The following TEF variants were observed in gnomAD, a reference collection of about 807,000 sequenced individuals.
TEF encodes thyrotroph embryonic factor.
TEF carries 3 observed loss-of-function variants against 20.8 expected under a neutral mutation model. The ratio of observed to expected loss-of-function variants is 0.14; its 90% CI spans 0.07 to 0.37. TEF has a LOEUF of 0.37. TEF is among the 10% of genes least tolerant of loss of function. The probability of loss-of-function intolerance (pLI) is 1.00; values close to 1 mark genes in which losing one functional copy is unlikely to be tolerated. For missense variants in TEF, 296 were observed against 397.9 expected, an observed-to-expected ratio of 0.74 and a Z score of 2.18; for synonymous variants, 180 against 171.1, an observed-to-expected ratio of 1.05 and a Z score of -0.41.
intron 1 of TEF, among the ~76,000 whole-genome samples, chr22:41,383,186 A>T (rs2037057086): frequency 6.6e-6 from 1 of 152,022 alleles, no homozygotes; most frequent in Admixed American, 6.6e-5. Flanking sequence ...TTTCCTTTTT[A>T]AAATGCCATT....
At chr22:41,391,351 A>G (rs1354925528) in intron 2 of TEF, among the ~76,000 whole-genome samples, 2 of 149,236 alleles carry the variant, frequency 1.3e-5, no homozygotes, top group Non-Finnish European at 3.0e-5. Context: ...TTTTTAAGAC[A>G]GTCTTATTCT....
chr22:41,385,797 G>A (rs1177976618), intron 1 of TEF, among the ~76,000 whole-genome samples: 4 of 152,114 alleles, frequency 2.6e-5, no homozygotes, highest in Admixed American at 2.0e-4. Flanking sequence ...TGATTCTCCT[G>A]TCTCAGCCTC....
At chr22:41,376,300 A>G (rs2036941023) in intron 1 of TEF, among the ~76,000 whole-genome samples, 2 of 152,206 alleles carry the variant, frequency 1.3e-5, no homozygotes, top group African/African-American at 4.8e-5. Context: ...GCAGTGGCGC[A>G]ATCTCGGCTC....
chr22:41,397,014 G>A lies in TEF; in HGVS notation c.*1054G>A, dbSNP rs934350938. On this transcript the variant is annotated 3_prime_UTR_variant, in exon 4 of 4. Transcript: ENST00000266304. ...TTGCTCTGCTCACCGGTGTGGCCTGGGCTGGAGTGCACTCTCCCTGGGGGC... is the reference window on the plus strand; with the variant it reads ...TTGCTCTGCTCACCGGTGTGGCCTGAGCTGGAGTGCACTCTCCCTGGGGGC... 2 of 398,844 alleles carry A rather than the reference G, an allele frequency of 5.0e-6. No homozygotes were observed. The highest frequency in any genetic ancestry group is 8.8e-6 in the Non-Finnish European group (2 of 226,358). 24.7% of individuals were successfully genotyped at this position (398,844 alleles called of 1,614,324 possible). A position where few individuals can be genotyped will look rare whatever the true frequency, so the allele number is the denominator to read the frequency against.
In TEF at chr22:41,397,705, T is replaced by G. The variant is rs941665792; in HGVS notation, c.*1745T>G. ...TTACTTTGTGGTTCTCTAAAAACCA[T>G]GTACACACTTTCACTCTATTGTAAC... On this transcript the variant is annotated 3_prime_UTR_variant, in exon 4 of 4. Transcript: ENST00000266304. 1 of 152,192 alleles carries G rather than the reference T, an allele frequency of 6.6e-6. No individual in the cohort carries two copies. The highest frequency in any genetic ancestry group is 1.9e-4 in the East Asian group (1 of 5,182). The allele number at this position is 152,192 out of a possible 1,614,324, so 9.4% of individuals were successfully genotyped here.
upstream of TEF, among the ~76,000 whole-genome samples, chr22:41,381,558 C>CGG (rs1312405799): frequency 6.6e-6 from 1 of 152,172 alleles, no homozygotes; most frequent in African/African-American, 2.4e-5. Context: ...GGTTGCAAGT[C>CGG]GGGGACAAGA....
At chr22:41,375,628 ACAGGAGAATGGTGTGAACC>A (rs1380398595) in intron 1 of TEF, among the ~76,000 whole-genome samples, 1 of 151,648 alleles carries the variant, frequency 6.6e-6, no homozygotes, top group African/African-American at 2.4e-5. Flanking sequence ...GGAGGCTGAG[ACAGGAGAATGGTGTGAACC>A]CAGGAGGCAG....
intron 1 of TEF, among the ~76,000 whole-genome samples, chr22:41,374,713 C>CAA (rs144864193): frequency 4.3e-5 from 5 of 116,526 alleles, no homozygotes; most frequent in African/African-American, 1.7e-4. Context: ...AAAACTGTCT[C>CAA]AAAAAAAAAA....
At chr22:41,374,545 C>G (rs1242543966) in intron 1 of TEF, among the ~76,000 whole-genome samples, 1 of 149,524 alleles carries the variant, frequency 6.7e-6, no homozygotes, top group Non-Finnish European at 1.5e-5. Context: ...GAGCAAGACT[C>G]TGTCTCAAAA....
chr22:41,381,234 C>T (rs763935074), upstream of TEF, among the ~76,000 whole-genome samples: 19 of 152,252 alleles, frequency 1.2e-4, no homozygotes, highest in Non-Finnish European at 4.4e-5. Flanking sequence ...GAAGTGCGGG[C>T]TAAGCTCAGC....
At chr22:41,368,650 T>C (rs917964056) in intron 1 of TEF, among the ~76,000 whole-genome samples, 14 of 152,120 alleles carry the variant, frequency 9.2e-5, no homozygotes, top group African/African-American at 1.4e-4. Flanking sequence ...CAGGGAGACA[T>C]TGCCCGAACG....
chr22:41,379,207 G>A (rs374002938), upstream of TEF, among the ~76,000 whole-genome samples: 71 of 152,188 alleles, frequency 4.7e-4, 1 homozygote, highest in African/African-American at 1.7e-3. Flanking sequence ...GCACGGTGGC[G>A]GGCTCCTGTA....
chr22:41,380,603 G>A (rs541948779), upstream of TEF, among the ~76,000 whole-genome samples: 1 of 152,292 alleles, frequency 6.6e-6, no homozygotes, highest in Non-Finnish European at 1.5e-5. Flanking sequence ...AGGGATGCTG[G>A]ATAAACAAGC....
At chr22:41,388,198 A>G (rs528241551) in intron 2 of TEF, among the ~76,000 whole-genome samples, 1 of 151,580 alleles carries the variant, frequency 6.6e-6, no homozygotes, top group South Asian at 2.1e-4. Context: ...GAGTTTCATC[A>G]TGTTGGCCAG....
chr22:41,395,626 A>G (rs2037218098), intron 3 of TEF, 119 bp from the exon 4 acceptor site: 3 of 984,978 alleles, frequency 3.0e-6, no homozygotes, highest in East Asian at 2.6e-5. Flanking sequence ...CCTCCCTGGT[A>G]TCCCTGCTTT....
intron 3 of TEF, among the ~76,000 whole-genome samples, chr22:41,395,234 C>A (rs1601826665): frequency 6.6e-6 from 1 of 152,078 alleles, no homozygotes; most frequent in African/African-American, 2.4e-5. Flanking sequence ...TTAAACTCCT[C>A]ACCTCAAGTG....
upstream of TEF, among the ~76,000 whole-genome samples, chr22:41,378,546 C>T (rs2036976176): frequency 6.6e-6 from 1 of 152,136 alleles, no homozygotes; most frequent in Admixed American, 6.6e-5. Flanking sequence ...CAGGGTTTCA[C>T]TGTCAGCCAG....
Position 41,382,179 on chromosome 22 carries a change from C to A in TEF, c.135C>A (p.Asn45Lys), listed in dbSNP as rs1001873357. ...FPLVLKKLME[N>K]PPREARLDKE... ...TGGTCCTGAAGAAGCTGATGGAGAACCCCCCGCGCGAGGCGCGCCTCGGTG... is the reference window on the plus strand; with the variant it reads ...TGGTCCTGAAGAAGCTGATGGAGAAACCCCCGCGCGAGGCGCGCCTCGGTG... Residue 45 changes from asparagine (N) to lysine (K), a missense_variant, in exon 1 of 4, where the codon AAC (asparagine) becomes AAA (lysine). Coordinates refer to ENST00000266304, the MANE Select transcript of TEF (RefSeq NM_003216.4). The A allele has an allele frequency of 2.4e-6, 3 of 1,240,608 alleles. No homozygotes were observed. Among genetic ancestry groups the A allele is most frequent in the Non-Finnish European group, 2.0e-6 (2 of 993,156 alleles). The allele number at this position is 1,240,608 out of a possible 1,614,324, so 76.9% of individuals were successfully genotyped here. A position where few individuals can be genotyped will look rare whatever the true frequency, so the allele number is the denominator to read the frequency against.
upstream of TEF, among the ~76,000 whole-genome samples, chr22:41,379,798 C>G (rs2036991179): frequency 6.7e-6 from 1 of 150,202 alleles, no homozygotes; most frequent in Admixed American, 6.7e-5. Context: ...GAAGCTGAGG[C>G]AGGAGAATCG....
Sources: allele counts gnomAD v4.1 joint callset (sites outside exome capture counted in the v4.1 genomes callset), GRCh38; gene constraint gnomAD v4.1.1; transcripts MANE v1.5; gene names NCBI Gene and HGNC (gene_info 2026-07-23, HGNC 2026-07-21).